Variants in NLRP12 observed in about 807,000 individuals in gnomAD.
NLRP12 encodes NACHT, LRR and PYD domains-containing protein 12.
In NLRP12, 108 loss-of-function variants were observed where a neutral mutation model predicts 91.2. The ratio of observed to expected loss-of-function variants is 1.18; its 90% confidence interval spans 1.01 to 1.39. The LOEUF (loss-of-function observed/expected upper bound fraction) is 1.39, where lower values mean the gene tolerates loss of function less well. NLRP12 is among the 40% of genes most tolerant of loss of function. NLRP12 has a pLI of 0.00. For missense variants in NLRP12, 1,530 were observed against 1,352.7 expected, an observed-to-expected ratio of 1.13 and a Z score of -2.06; for synonymous variants, 613 against 566.7, an observed-to-expected ratio of 1.08 and a Z score of -1.16.
At chr19:53,812,426 A>G (rs1374151397) in intron 2 of NLRP12, among the ~76,000 whole-genome samples, 1 of 152,004 alleles carries the variant, frequency 6.6e-6, no homozygotes, top group Non-Finnish European at 1.5e-5. Context: ...AAAAAAAAAA[A>G]AAAATCTAGA....
chr19:53,807,435 G>T, intron 4 of NLRP12, 60 bp downstream of exon 4: 1 of 1,518,444 alleles, frequency 6.6e-7, no homozygotes, highest in Non-Finnish European at 9.1e-7. Context: ...CTTTGTGACT[G>T]ATCCCCATGA....
intron 1 of NLRP12, among the ~76,000 whole-genome samples, chr19:53,819,389 C>T (rs1412509665): frequency 2.3e-5 from 3 of 129,174 alleles, no homozygotes; most frequent in Admixed American, 8.8e-5. Flanking sequence ...GGATTACAGG[C>T]GTGTGCCACT....
Position 53,807,617 on chromosome 19 carries a change from C to A in NLRP12, c.2121G>T (p.Ala707=). ...TCAGGTTTGGATTGGTGCACAGGGC[C>A]GCTGCCAGATGTTCACTGTAGGCGT... ...LLDAYSEHLA[A]ALCTNPNLIE... is the part of the protein sequence containing the mutation. Residue 707 remains alanine (A), a synonymous_variant, in exon 4 of 10, where the codon GCG becomes GCT. Transcript: ENST00000324134. The A allele has an allele frequency of 6.2e-7, 1 of 1,614,146 alleles. No homozygotes were observed. Among genetic ancestry groups the A allele is most frequent in the Non-Finnish European group, 8.5e-7 (1 of 1,180,030 alleles).
intron 6 of NLRP12, 98 bp downstream of exon 6, chr19:53,803,854 G>T: frequency 8.1e-7 from 1 of 1,232,348 alleles, no homozygotes; most frequent in Non-Finnish European, 1.2e-6. Flanking sequence ...GATTACAGGC[G>T]TGAGCCACTG....
chr19:53,819,289 G>A (rs2092210423), intron 1 of NLRP12, among the ~76,000 whole-genome samples: 1 of 149,882 alleles, frequency 6.7e-6, no homozygotes, highest in South Asian at 2.1e-4. Context: ...TTGTCATCCA[G>A]GCTGGAGTGC....
intron 1 of NLRP12, among the ~76,000 whole-genome samples, chr19:53,820,986 T>A (rs549042195): frequency 3.3e-5 from 5 of 151,502 alleles, no homozygotes; most frequent in Admixed American, 6.6e-5. Flanking sequence ...GCACTTTGCA[T>A]GTATTATCTC....
chr19:53,808,066 T>C, intron 3 of NLRP12: 1 of 350,194 alleles, frequency 2.9e-6, no homozygotes, highest in Non-Finnish European at 5.6e-6. Flanking sequence ...TGCTATCTTT[T>C]CATTTTTTTT....
intron 1 of NLRP12, among the ~76,000 whole-genome samples, chr19:53,823,346 T>C (rs928564597): frequency 1.5e-5 from 2 of 137,118 alleles, no homozygotes; most frequent in Admixed American, 1.6e-4. Context: ...ATATATAATA[T>C]ATACCATATT....
intron 7 of NLRP12, among the ~76,000 whole-genome samples, chr19:53,800,423 A>G (rs192025588): frequency 7.6e-4 from 116 of 152,242 alleles, no homozygotes; most frequent in Non-Finnish European, 1.5e-3. Context: ...ACACCACTCC[A>G]CTCCAGCACT....
intron 2 of NLRP12, among the ~76,000 whole-genome samples, chr19:53,813,406 A>G (rs535232747): frequency 1.4e-5 from 2 of 138,184 alleles, no homozygotes; most frequent in East Asian, 2.1e-4. Context: ...GGCTCACACC[A>G]TTCTCCTGCC....
chr19:53,808,201 G>T (rs1360061465), intron 3 of NLRP12: 2 of 226,050 alleles, frequency 8.8e-6, no homozygotes, highest in South Asian at 6.7e-5. Context: ...GGGGCTACAG[G>T]TGTGCACCAT....
Position 53,809,584 on chromosome 19 carries a change from T to A in NLRP12, c.2072+3A>T, listed in dbSNP as rs1005045424. 6 of 1,604,598 alleles carry A rather than the reference T, an allele frequency of 3.7e-6. No homozygotes were observed. The highest frequency in any genetic ancestry group is 5.1e-6 in the Non-Finnish European group (6 of 1,176,090). On this transcript the variant is annotated splice_donor_region_variant and intron_variant, in intron 3 of 9. Coordinates refer to ENST00000324134, the MANE Select transcript of NLRP12 (RefSeq NM_144687.4). ...CCCCAGGGGATACCCCAGGGATACT[T>A]ACAGCTGCACCAACAGCGTGTGCGC...
rs1555799968 is a variant in NLRP12 at position 53,823,460 on chromosome 19, T to TTA, written c.289+425_289+426insTA. 5.0e-3 allele frequency among the ~76,000 whole-genome samples: 551 copies of TTA among 111,180 alleles called. 6 individuals carry two copies. The highest frequency in any genetic ancestry group is 0.018 in the African/African-American group (504 of 28,228). 72.9% of individuals were successfully genotyped at this position (111,180 alleles called of 152,430 possible). A position where few individuals can be genotyped will look rare whatever the true frequency, so the allele number is the denominator to read the frequency against. On this transcript the variant is annotated intron_variant, in intron 1 of 9. Coordinates refer to ENST00000324134, the MANE Select transcript of NLRP12 (RefSeq NM_144687.4). ...AAATATATGTTTTAAATATATATTT[T>TTA]AAATATATATTTAAAATATATATTT...
chr19:53,822,029 A>G (rs542766100), intron 1 of NLRP12, among the ~76,000 whole-genome samples: 53 of 152,296 alleles, frequency 3.5e-4, no homozygotes, highest in African/African-American at 1.1e-3. Context: ...GCATGTTCTC[A>G]CTTATAAGTG....
chr19:53,811,314 T>C (rs1462217507), intron 2 of NLRP12, 26 bp from the exon 3 acceptor site: 14 of 1,613,162 alleles, frequency 8.7e-6, no homozygotes, highest in East Asian at 2.2e-5. Context: ...GAAGGTTTTG[T>C]GGAAGACTCA....
At chr19:53,803,924 A>T in intron 6 of NLRP12, 28 bp downstream of exon 6, 7 of 1,608,384 alleles carry the variant, frequency 4.4e-6, no homozygotes, top group Non-Finnish European at 6.0e-6. Flanking sequence ...TTGCCATTTT[A>T]TTATAGTTGA....
At position 53,810,068 on chromosome 19, in the gene NLRP12, C is replaced by A; in HGVS notation, c.1591G>T (p.Gly531Trp). Reference sequence around the variant, plus strand: ...TGGTCTGGGCCTGCCCCGCCCTCCCCCTCGTCCAGGATATAGTACATAGCT... The same window carrying A: ...TGGTCTGGGCCTGCCCCGCCCTCCCACTCGTCCAGGATATAGTACATAGCT... ...FAAMYYILDE[G>W]EGGAGPDQDV... The change falls in exon 3 of 10, where the codon GGG becomes TGG. Residue 531 changes from glycine (G) to tryptophan (W), a missense_variant. Physicochemically the swap from Gly to Trp is radical, Grantham distance 184. Transcript: ENST00000324134. The A allele has an allele frequency of 6.2e-7, 1 of 1,614,136 alleles. No homozygotes were observed. The highest frequency in any genetic ancestry group is 1.3e-5 in the African/African-American group (1 of 75,038).
At chr19:53,805,753 G>C (rs909623527) in intron 4 of NLRP12, 5 of 395,738 alleles carry the variant, frequency 1.3e-5, no homozygotes, top group African/African-American at 2.1e-5. Context: ...CCTGGGTCAA[G>C]TGATCCTCCC....
intron 1 of NLRP12, among the ~76,000 whole-genome samples, chr19:53,815,222 AGT>A (rs2092139810): frequency 9.5e-6 from 1 of 105,126 alleles, no homozygotes; most frequent in Non-Finnish European, 1.9e-5. Flanking sequence ...CCATCCAATC[AGT>A]CTTTTTTTTT....
Sources: gnomAD v4.1 joint callset for allele counts (sites outside exome capture counted in the v4.1 genomes callset) on GRCh38, gnomAD v4.1.1 for gene constraint, MANE v1.5 for transcripts, NCBI Gene and HGNC (gene_info 2026-07-23, HGNC 2026-07-21) for gene names.